The following CTNND2 variants were observed in gnomAD, a reference collection of about 807,000 sequenced individuals.
The protein encoded by CTNND2 is catenin delta-2.
CTNND2 carries 22 observed loss-of-function variants against 144.4 expected under a neutral mutation model. The observed-to-expected ratio is 0.15, with a 90% CI of 0.11 to 0.22. The LOEUF (loss-of-function observed/expected upper bound fraction) is 0.22, where lower values mean the gene tolerates loss of function less well. Ranked by LOEUF, CTNND2 falls within the 10% of genes least tolerant of loss-of-function variation. The pLI is 1.00. For synonymous variants in CTNND2, 751 were observed against 695.6 expected (o/e 1.08, Z -1.25); for missense variants, 1,353 against 1,618.8 (o/e 0.84, Z 2.82).
chr5:11,283,440 C>T lies in CTNND2; in HGVS notation c.1629-46617G>A, dbSNP rs534816730. On this transcript the variant is annotated intron_variant, in intron 9 of 21. Coordinates refer to ENST00000304623, the MANE Select transcript of CTNND2 (RefSeq NM_001332.4). ...CCTGTAATCTCAGCACTTTGGGAGGCCAAGGCGGGCAGATCATGAAGTCAG... is the reference window on the plus strand; with the variant it reads ...CCTGTAATCTCAGCACTTTGGGAGGTCAAGGCGGGCAGATCATGAAGTCAG... 7.8e-4 allele frequency among the ~76,000 whole-genome samples: 118 copies of T among 151,896 alleles called. 1 individual carries two copies. The highest frequency in any genetic ancestry group is 2.8e-3 in the African/African-American group (114 of 41,452).
intron 11 of CTNND2, among the ~76,000 whole-genome samples, chr5:11,185,968 C>G (rs1219171995): frequency 6.6e-6 from 1 of 152,144 alleles, no homozygotes; most frequent in African/African-American, 2.4e-5. Context: ...CAAAGTAAAG[C>G]CACAAATCAG....
intron 12 of CTNND2, among the ~76,000 whole-genome samples, chr5:11,123,438 T>C (rs901202850): frequency 4.6e-5 from 7 of 152,218 alleles, no homozygotes; most frequent in Non-Finnish European, 7.3e-5. Flanking sequence ...AGGCATCTCA[T>C]GGGTAGAGGC....
chr5:11,895,136 C>T (rs1737292080), intron 1 of CTNND2, among the ~76,000 whole-genome samples: 1 of 152,054 alleles, frequency 6.6e-6, no homozygotes, highest in Non-Finnish European at 1.5e-5. Context: ...CTGAAGAACA[C>T]ACAGTCAAGT....
intron 1 of CTNND2, among the ~76,000 whole-genome samples, chr5:11,826,599 T>G (rs182011634): frequency 1.8e-4 from 28 of 152,004 alleles, no homozygotes; most frequent in Admixed American, 1.8e-3. Context: ...TCTAATATGG[T>G]CAACATAAAG....
intron 2 of CTNND2, among the ~76,000 whole-genome samples, chr5:11,620,659 G>A (rs553870490): frequency 6.6e-6 from 1 of 152,196 alleles, no homozygotes; most frequent in South Asian, 2.1e-4. Context: ...CTGGTCTGTT[G>A]GTCTCACAAT....
chr5:11,733,878 G>C (rs905191090), intron 1 of CTNND2, among the ~76,000 whole-genome samples: 3 of 152,192 alleles, frequency 2.0e-5, no homozygotes, highest in African/African-American at 2.4e-5. Context: ...TGAGATTGCT[G>C]TGGTCTGAAT....
intron 1 of CTNND2, among the ~76,000 whole-genome samples, chr5:11,845,152 C>T (rs1794674688): frequency 6.6e-6 from 1 of 152,148 alleles, no homozygotes; most frequent in South Asian, 2.1e-4. Context: ...AGTGAAATAG[C>T]CAGGACCTGA....
intron 20 of CTNND2, among the ~76,000 whole-genome samples, chr5:10,985,205 C>G (rs1737791307): frequency 6.6e-6 from 1 of 152,122 alleles, no homozygotes; most frequent in Non-Finnish European, 1.5e-5. Context: ...AAGGGAAAAC[C>G]TCCAGGTGAA....
chr5:11,080,465 C>A (rs928679541), intron 16 of CTNND2, among the ~76,000 whole-genome samples: 2 of 152,226 alleles, frequency 1.3e-5, no homozygotes, highest in African/African-American at 2.4e-5. Flanking sequence ...AGTAATCCCA[C>A]TTCTGGGTAT....
chr5:11,426,624 A>G (rs1368483874), intron 3 of CTNND2, among the ~76,000 whole-genome samples: 1 of 152,344 alleles, frequency 6.6e-6, no homozygotes, highest in Middle Eastern at 3.4e-3. Flanking sequence ...GTGAGACTCA[A>G]GTCAGTACAA....
chr5:11,437,361 C>T (rs987027840), intron 3 of CTNND2, among the ~76,000 whole-genome samples: 1 of 152,170 alleles, frequency 6.6e-6, no homozygotes, highest in Non-Finnish European at 1.5e-5. Flanking sequence ...TCTGTGCCCA[C>T]CACGGTGCCA....
intron 2 of CTNND2, among the ~76,000 whole-genome samples, chr5:11,593,521 G>C (rs1376291682): frequency 6.6e-6 from 1 of 152,158 alleles, no homozygotes; most frequent in East Asian, 1.9e-4. Context: ...GTAATTCCCA[G>C]GTGTCATGGG....
chr5:11,843,386 G>C (rs1280404914), intron 1 of CTNND2, among the ~76,000 whole-genome samples: 1 of 152,168 alleles, frequency 6.6e-6, no homozygotes, highest in Non-Finnish European at 1.5e-5. Context: ...ACATTTTTCT[G>C]AAGATGCCAC....
At chr5:11,551,797 C>T (rs1249263216) in intron 3 of CTNND2, among the ~76,000 whole-genome samples, 1 of 152,144 alleles carries the variant, frequency 6.6e-6, no homozygotes, top group East Asian at 1.9e-4. Flanking sequence ...CACAAGGTTT[C>T]ACCATGTTGG....
chr5:11,306,805 A>G (rs1417561366), intron 9 of CTNND2, among the ~76,000 whole-genome samples: 1 of 152,232 alleles, frequency 6.6e-6, no homozygotes, highest in East Asian at 1.9e-4. Flanking sequence ...ATGAAAAGGC[A>G]GAGAGAATGA....
intron 3 of CTNND2, among the ~76,000 whole-genome samples, chr5:11,425,802 T>C (rs1300169359): frequency 6.6e-6 from 1 of 152,128 alleles, no homozygotes; most frequent in Non-Finnish European, 1.5e-5. Context: ...TATGAATAAC[T>C]TCTCATTGAC....
At chr5:11,017,561 T>C (rs1283941935) in intron 18 of CTNND2, among the ~76,000 whole-genome samples, 2 of 135,292 alleles carry the variant, frequency 1.5e-5, no homozygotes, top group Non-Finnish European at 3.3e-5. Flanking sequence ...AAGATATATA[T>C]ACATATATAT....
intron 2 of CTNND2, among the ~76,000 whole-genome samples, chr5:11,669,803 G>A (rs2126595873): frequency 6.6e-6 from 1 of 152,046 alleles, no homozygotes; most frequent in South Asian, 2.1e-4. Flanking sequence ...TTGTGAATTT[G>A]TTTGCTCTGG....
chr5:11,157,534 A>G (rs976698166), intron 12 of CTNND2, among the ~76,000 whole-genome samples: 1 of 152,220 alleles, frequency 6.6e-6, no homozygotes, highest in African/African-American at 2.4e-5. Context: ...GCCCTCTCTC[A>G]GCCTCCTTAG....
Sources: allele counts gnomAD v4.1 joint callset (sites outside exome capture counted in the v4.1 genomes callset), GRCh38; gene constraint gnomAD v4.1.1; transcripts MANE v1.5; gene names NCBI Gene and HGNC (gene_info 2026-07-23, HGNC 2026-07-21).